The following BORCS5 variants were observed in gnomAD, a reference collection of about 807,000 sequenced individuals.
The protein encoded by BORCS5 is BLOC-1-related complex subunit 5.
BORCS5 carries 17 observed loss-of-function variants against 22.1 expected under a neutral mutation model. The observed-to-expected ratio is 0.77, with a 90% CI of 0.53 to 1.15. BORCS5 has a LOEUF of 1.15. Ranked by LOEUF, BORCS5 falls within the 50% of genes most tolerant of loss-of-function variation. The pLI, the probability that BORCS5 is intolerant of heterozygous loss-of-function variation, is 0.00. For missense variants in BORCS5, 247 were observed against 253.2 expected, an observed-to-expected ratio of 0.98 and a Z score of 0.17; for synonymous variants, 117 against 99.8, an observed-to-expected ratio of 1.17 and a Z score of -1.03.
intron 1 of BORCS5, among the ~76,000 whole-genome samples, chr12:12,358,952 C>T (rs1045478746): frequency 6.6e-6 from 1 of 152,152 alleles, no homozygotes. Flanking sequence ...TTCTAGGAGG[C>T]AGAACAGTTC....
chr12:12,453,890 G>T (rs1942956300), intron 3 of BORCS5, among the ~76,000 whole-genome samples: 1 of 152,076 alleles, frequency 6.6e-6, no homozygotes, highest in African/African-American at 2.4e-5. Flanking sequence ...TGTCTCTCTG[G>T]ACTTGCCTGT....
chr12:12,361,085 C>G, intron 1 of BORCS5, 121 bp from the exon 2 acceptor site: 1 of 982,838 alleles, frequency 1.0e-6, no homozygotes, highest in Non-Finnish European at 1.5e-6. Flanking sequence ...CCACCCCAAC[C>G]CCAACTGCAA....
chr12:12,379,534 A>G (rs570715088), intron 2 of BORCS5, among the ~76,000 whole-genome samples: 12 of 151,648 alleles, frequency 7.9e-5, no homozygotes, highest in African/African-American at 2.9e-4. Flanking sequence ...TAAGTTATCT[A>G]CTGAGAGGTC....
At chr12:12,375,372 A>G (rs1018533261) in intron 2 of BORCS5, among the ~76,000 whole-genome samples, 16 of 152,200 alleles carry the variant, frequency 1.1e-4, no homozygotes, top group African/African-American at 3.9e-4. Flanking sequence ...GCCTGTGATC[A>G]TAGCACTTTG....
At chr12:12,447,860 C>A (rs950231289) in intron 3 of BORCS5, among the ~76,000 whole-genome samples, 2 of 152,206 alleles carry the variant, frequency 1.3e-5, no homozygotes, top group African/African-American at 4.8e-5. Context: ...TTCTGGACAT[C>A]GGAAAAGGGA....
chr12:12,403,290 A>G lies in BORCS5; in HGVS notation c.203-32338A>G, dbSNP rs150389981. Among the ~76,000 whole-genome samples the G allele has an allele frequency of 1.5e-3, 230 of 152,310 alleles. 4 individuals are homozygous for G. The East Asian group carries it at 0.029, about 19-fold the overall frequency. On this transcript the variant is annotated intron_variant, in intron 2 of 3. Transcript: ENST00000314565. ...TTTGCACATCTGTCTCCCTGACTTAATTGCATCATAAAATCAAAGATATTT... is the reference window on the plus strand; with the variant it reads ...TTTGCACATCTGTCTCCCTGACTTAGTTGCATCATAAAATCAAAGATATTT...
chr12:12,452,022 C>G (rs1942920831), intron 3 of BORCS5: 3 of 335,704 alleles, frequency 8.9e-6, no homozygotes, highest in Admixed American at 8.3e-5. Flanking sequence ...AAGAGCAAAA[C>G]TTGACTGTCC....
At chr12:12,405,171 CCATAAAGGTAAAGATTTAGT>C (rs1941567754) in intron 2 of BORCS5, among the ~76,000 whole-genome samples, 1 of 152,130 alleles carries the variant, frequency 6.6e-6, no homozygotes, top group Non-Finnish European at 1.5e-5. Flanking sequence ...GAGAGACAAC[CCATAAAGGTAAAGATTTAGT>C]CATAAATGAG....
chr12:12,423,063 G>A (rs536614165), intron 2 of BORCS5, among the ~76,000 whole-genome samples: 23 of 151,666 alleles, frequency 1.5e-4, no homozygotes, highest in African/African-American at 4.3e-4. Flanking sequence ...GTGCAGTGGC[G>A]TGATCTCGAC....
rs186933761 is a variant in BORCS5, at chr12:12,379,839, C to T, written c.202+18490C>T. Among the ~76,000 whole-genome samples, 287 of 151,514 alleles carry T rather than the reference C, an allele frequency of 1.9e-3. 11 individuals carry two copies. Among genetic ancestry groups the T allele is most frequent in the Non-Finnish European group, 3.1e-3 (212 of 67,696 alleles). The stretch of plus-strand genomic sequence containing the variant: ...ATTCCCTTTAAGAACTTGTCCTTTG[C>T]ATTCACAGCTTGGCAAACTGGTGCA... On this transcript the variant is annotated intron_variant, in intron 2 of 3. Transcript: ENST00000314565.
At chr12:12,416,062 G>T (rs971717130) in intron 2 of BORCS5, among the ~76,000 whole-genome samples, 3 of 152,094 alleles carry the variant, frequency 2.0e-5, no homozygotes, top group Non-Finnish European at 4.4e-5. Flanking sequence ...TTCTAGTTCT[G>T]TGTTTCTAGG....
In BORCS5 at chr12:12,468,325, G is replaced by A. The variant is rs910172691; in HGVS notation, c.*2549G>A. The A allele has an allele frequency of 6.6e-6, 1 of 152,226 alleles. No homozygotes were observed. Among genetic ancestry groups the A allele is most frequent in the Non-Finnish European group, 1.5e-5 (1 of 68,058 alleles). 9.4% of individuals were successfully genotyped at this position (152,226 alleles called of 1,614,324 possible). On this transcript the variant is annotated 3_prime_UTR_variant, in exon 4 of 4. Transcript: ENST00000314565. The stretch of plus-strand genomic sequence containing the variant: ...CCTGATGGAACCTGGGAGTCTGAGT[G>A]ATTTGTATTTCAAGAAGCAGTTATG...
chr12:12,456,941 A>G (rs1943008333), intron 3 of BORCS5, among the ~76,000 whole-genome samples: 1 of 152,050 alleles, frequency 6.6e-6, no homozygotes, highest in Non-Finnish European at 1.5e-5. Flanking sequence ...TGAGGCGTCC[A>G]CATAAGCTCC....
At chr12:12,413,106 CTCTT>C (rs1941785943) in intron 2 of BORCS5, among the ~76,000 whole-genome samples, 1 of 40,072 alleles carries the variant, frequency 2.5e-5, no homozygotes, top group Admixed American at 2.4e-4. Context: ...TTGGTGATGA[CTCTT>C]TTTTTTTTTT....
At position 12,414,036 on chromosome 12, in the gene BORCS5, C is replaced by T. The variant is rs1454864889; in HGVS notation, c.203-21592C>T. 3.1e-3 allele frequency among the ~76,000 whole-genome samples: 232 copies of T among 74,126 alleles called. 13 individuals are homozygous for T. The highest frequency in any genetic ancestry group is 9.0e-3 in the African/African-American group (114 of 12,614). 48.6% of individuals were successfully genotyped at this position (74,126 alleles called of 152,430 possible). A position where few individuals can be genotyped will look rare whatever the true frequency, so the allele number is the denominator to read the frequency against. Reference sequence around the variant, plus strand: ...GCAGAGGCCCCCCTCACCTCCTGGACGGGGCGGCTGGCCAGGCGGGGGGCT... The same window carrying T: ...GCAGAGGCCCCCCTCACCTCCTGGATGGGGCGGCTGGCCAGGCGGGGGGCT... On this transcript the variant is annotated intron_variant, in intron 2 of 3. Transcript: ENST00000314565.
intron 2 of BORCS5, among the ~76,000 whole-genome samples, chr12:12,391,444 G>A (rs1158185953): frequency 2.0e-5 from 3 of 151,560 alleles, no homozygotes; most frequent in South Asian, 2.1e-4. Context: ...GGAGTGCAGT[G>A]GCATGATCTC....
intron 3 of BORCS5, among the ~76,000 whole-genome samples, chr12:12,444,586 A>G (rs1285171649): frequency 6.6e-6 from 1 of 152,232 alleles, no homozygotes; most frequent in Admixed American, 6.5e-5. Flanking sequence ...GCCCAGGGGT[A>G]CACTAAATTT....
chr12:12,463,237 A>G (rs193282859), intron 3 of BORCS5, among the ~76,000 whole-genome samples: 5 of 152,306 alleles, frequency 3.3e-5, no homozygotes, highest in African/African-American at 4.8e-5. Context: ...ATCAAGGACA[A>G]TGTTACCTCA....
At chr12:12,413,840 C>A (rs1269149989) in intron 2 of BORCS5, among the ~76,000 whole-genome samples, 1 of 60,536 alleles carries the variant, frequency 1.7e-5, no homozygotes, top group African/African-American at 1.1e-4. Context: ...GGGGGGCTGG[C>A]CCCCCCACCT....
Sources: allele counts gnomAD v4.1 joint callset (sites outside exome capture counted in the v4.1 genomes callset), GRCh38; gene constraint gnomAD v4.1.1; transcripts MANE v1.5; gene names NCBI Gene and HGNC (gene_info 2026-07-23, HGNC 2026-07-21).